OSBPL6: variants seen among roughly 807,000 people sequenced by gnomAD.
OSBPL6 encodes oxysterol binding protein like 6.
Under a neutral mutation model 125.8 loss-of-function variants are expected in OSBPL6, and 49 were observed. That is an observed-to-expected ratio of 0.39 (90% CI 0.31 to 0.49). The LOEUF (loss-of-function observed/expected upper bound fraction) is 0.49, where lower values mean the gene tolerates loss of function less well. OSBPL6 is among the 20% of genes least tolerant of loss of function. The pLI is 0.88. For missense variants in OSBPL6, 986 were observed against 1,135.4 expected (o/e 0.87, Z 1.89); for synonymous variants, 394 against 391.8 (o/e 1.01, Z -0.07).
chr2:178,239,455 G>A (rs1455237156), intron 1 of OSBPL6, among the ~76,000 whole-genome samples: 1 of 151,996 alleles, frequency 6.6e-6, no homozygotes, highest in Non-Finnish European at 1.5e-5. Flanking sequence ...AGCTGCTTGG[G>A]AGGCTGAGGT....
intron 17 of OSBPL6, 146 bp downstream of exon 17, chr2:178,383,423 C>A: frequency 7.9e-7 from 1 of 1,263,574 alleles, no homozygotes; most frequent in South Asian, 1.6e-5. Context: ...TGCATAAATC[C>A]GGCAAGGCCA....
At chr2:178,266,676 A>G (rs889825438) in intron 1 of OSBPL6, among the ~76,000 whole-genome samples, 1 of 152,178 alleles carries the variant, frequency 6.6e-6, no homozygotes, top group Non-Finnish European at 1.5e-5. Context: ...CAGTCTCTTC[A>G]CTCCAGTGAT....
At position 178,306,030 on chromosome 2, in the gene OSBPL6, G is replaced by C. The variant is rs1012202536; in HGVS notation, c.-155G>C. The C allele has an allele frequency of 5.7e-6, 3 of 524,812 alleles. No homozygotes were observed. The highest frequency in any genetic ancestry group is 1.9e-5 in the African/African-American group (1 of 51,542). 32.5% of individuals were successfully genotyped at this position (524,812 alleles called of 1,614,324 possible). ...TGAGGCTTGTTTGTTTTGCTTTTAG[G>C]TGGTTTGGACACCCTCAATATTGCC... On this transcript the variant is annotated splice_region_variant and 5_prime_UTR_variant, in exon 3 of 25. Coordinates refer to ENST00000190611, the MANE Select transcript of OSBPL6 (RefSeq NM_032523.4).
intron 1 of OSBPL6, among the ~76,000 whole-genome samples, chr2:178,262,393 G>C (rs1435889890): frequency 6.6e-6 from 1 of 152,080 alleles, no homozygotes; most frequent in Non-Finnish European, 1.5e-5. Context: ...AAAGAAAATT[G>C]TTTTTGATGA....
At chr2:178,387,221 A>G (rs1173673291) in intron 20 of OSBPL6, 82 bp downstream of exon 20, 2 of 1,132,206 alleles carry the variant, frequency 1.8e-6, no homozygotes, top group Non-Finnish European at 1.3e-6. Flanking sequence ...AGAAGATGGT[A>G]AGGGTTTCTT....
At position 178,339,699 on chromosome 2, in the gene OSBPL6, G is replaced by C; in HGVS notation, c.922G>C (p.Asp308His). 1 of 1,606,616 alleles carries C rather than the reference G, an allele frequency of 6.2e-7. No homozygotes were observed. Among genetic ancestry groups the C allele is most frequent in the Non-Finnish European group, 8.5e-7 (1 of 1,176,862 alleles). The part of the protein sequence containing the change: ...QANCVDISKK[D>H]KRVTRRWRTK... ...TAACTGTGTAGATATTTCAAAGAAA[G>C]ACAAGCGGGTCACAAGACGATGGAG... Residue 308 changes from aspartate to histidine, a missense_variant, in exon 11 of 25, where the codon GAC becomes CAC. Asp to His is a moderately conservative substitution (Grantham distance 81). Transcript: ENST00000190611.
At chr2:178,228,352 G>A (rs942945396) in intron 1 of OSBPL6, among the ~76,000 whole-genome samples, 1 of 152,128 alleles carries the variant, frequency 6.6e-6, no homozygotes, top group Admixed American at 6.6e-5. Flanking sequence ...TGGCTAACAT[G>A]GTGAAACACC....
chr2:178,328,493 A>G, intron 5 of OSBPL6, 115 bp downstream of exon 5: 1 of 1,345,750 alleles, frequency 7.4e-7, no homozygotes, highest in Middle Eastern at 2.5e-4. Flanking sequence ...CTAGCTTTTT[A>G]AAACTTTTTT....
chr2:178,396,781 AATG>A lies in OSBPL6; in HGVS notation c.*1223_*1225del, dbSNP rs1695870378. On this transcript the variant is annotated 3_prime_UTR_variant, in exon 25 of 25. Coordinates refer to ENST00000190611, the MANE Select transcript of OSBPL6 (RefSeq NM_032523.4). ...CAGAGATATGAAACTTAAGCTAAGGAATGTATCCATCCCAAAGCAGGAAAGCAG... is the reference window on the plus strand; with the variant it reads ...CAGAGATATGAAACTTAAGCTAAGGATATCCATCCCAAAGCAGGAAAGCAG... The A allele has an allele frequency of 6.6e-6, 1 of 152,260 alleles. No individual in the cohort carries two copies. The highest frequency in any genetic ancestry group is 1.5e-5 in the Non-Finnish European group (1 of 68,044). The allele number at this position is 152,260 out of a possible 1,614,324, so 9.4% of individuals were successfully genotyped here.
At chr2:178,317,589 A>G (rs941381262) in intron 3 of OSBPL6, among the ~76,000 whole-genome samples, 4 of 150,904 alleles carry the variant, frequency 2.7e-5, no homozygotes, top group Non-Finnish European at 4.4e-5. Flanking sequence ...TCTGATATCA[A>G]TACATGTTCT....
chr2:178,262,035 A>G (rs558444073), intron 1 of OSBPL6, among the ~76,000 whole-genome samples: 3 of 152,148 alleles, frequency 2.0e-5, no homozygotes, highest in South Asian at 2.1e-4. Flanking sequence ...ATGAGAGGCA[A>G]TGTGTAAGGC....
intron 2 of OSBPL6, among the ~76,000 whole-genome samples, chr2:178,300,333 G>T (rs1337454851): frequency 6.6e-6 from 1 of 152,156 alleles, no homozygotes; most frequent in Non-Finnish European, 1.5e-5. Context: ...CCTTTGCTTG[G>T]GACTGTGGAC....
intron 1 of OSBPL6, among the ~76,000 whole-genome samples, chr2:178,255,057 G>A (rs376176305): frequency 6.6e-6 from 1 of 152,120 alleles, no homozygotes; most frequent in African/African-American, 2.4e-5. Context: ...TAATCCTAGC[G>A]CTTTGGGAGG....
At chr2:178,205,232 T>G (rs1363712677) in intron 1 of OSBPL6, among the ~76,000 whole-genome samples, 2 of 152,098 alleles carry the variant, frequency 1.3e-5, no homozygotes, top group African/African-American at 4.8e-5. Flanking sequence ...AAAAAGAGGT[T>G]GAAGTGACAG....
At chr2:178,353,050 A>G (rs981726839) in intron 12 of OSBPL6, among the ~76,000 whole-genome samples, 1 of 152,218 alleles carries the variant, frequency 6.6e-6, no homozygotes, top group African/African-American at 2.4e-5. Context: ...TAGCATCAAT[A>G]TCAACAAAAA....
intron 1 of OSBPL6, among the ~76,000 whole-genome samples, chr2:178,235,431 A>T (rs1326193341): frequency 1.9e-5 from 2 of 107,686 alleles, no homozygotes; most frequent in Non-Finnish European, 1.8e-5. Context: ...TTTTGAGACA[A>T]AGTCTCGCTG....
intron 1 of OSBPL6, among the ~76,000 whole-genome samples, chr2:178,229,030 C>T (rs2090699003): frequency 6.6e-6 from 1 of 152,218 alleles, no homozygotes; most frequent in South Asian, 2.1e-4. Flanking sequence ...GCAGCCACAT[C>T]TGATGAGGGC....
chr2:178,242,274 C>T (rs752948649), intron 1 of OSBPL6, among the ~76,000 whole-genome samples: 2 of 152,206 alleles, frequency 1.3e-5, no homozygotes, highest in Admixed American at 1.3e-4. Flanking sequence ...TTATTTGACT[C>T]CTCTGACATC....
chr2:178,362,552 G>A (rs1692449219), intron 13 of OSBPL6, among the ~76,000 whole-genome samples: 1 of 151,998 alleles, frequency 6.6e-6, no homozygotes, highest in African/African-American at 2.4e-5. Context: ...GTGATTTTGT[G>A]AGAACTCGGT....
Sources: gnomAD v4.1 joint callset for allele counts (sites outside exome capture counted in the v4.1 genomes callset) on GRCh38, gnomAD v4.1.1 for gene constraint, MANE v1.5 for transcripts, NCBI Gene and HGNC (gene_info 2026-07-23, HGNC 2026-07-21) for gene names.